ENTREP1: variants seen among roughly 807,000 people sequenced by gnomAD.
The protein encoded by ENTREP1 is endosomal transmembrane epsin interactor 1.
At chr9:69,383,104 A>G in the ENTREP1 span, 5 of 985,180 alleles carry the variant, frequency 5.1e-6, no homozygotes, top group Non-Finnish European at 6.0e-6. Flanking sequence ...GACAAAAACA[A>G]GAGTCATGTA....
At chr9:69,383,237 T>C in the ENTREP1 span, 2 of 693,360 alleles carry the variant, frequency 2.9e-6, no homozygotes, top group Non-Finnish European at 3.6e-6. Flanking sequence ...TTCACATTAT[T>C]TCGTAACCAT....
the ENTREP1 span, chr9:69,377,502 G>A: frequency 1.2e-6 from 2 of 1,608,942 alleles, no homozygotes; most frequent in South Asian, 1.1e-5. Context: ...GGGCATCATG[G>A]CCACGTTTCC....
chr9:69,385,894 C>T, the ENTREP1 span: 2 of 1,612,876 alleles, frequency 1.2e-6, no homozygotes, highest in Non-Finnish European at 1.7e-6. Flanking sequence ...GCCCTCCCAC[C>T]CTTGAGGACC....
chr9:69,385,046 C>T, the ENTREP1 span, among the ~76,000 whole-genome samples: 5 of 152,072 alleles, frequency 3.3e-5, no homozygotes, highest in South Asian at 6.2e-4. Context: ...CCCAGCCTCC[C>T]GAGTAACTGG....
At chr9:69,365,909 A>G in the ENTREP1 span, among the ~76,000 whole-genome samples, 2 of 152,112 alleles carry the variant, frequency 1.3e-5, no homozygotes, top group African/African-American at 2.4e-5. Context: ...TATACCATAT[A>G]TTATTTATTC....
the ENTREP1 span, among the ~76,000 whole-genome samples, chr9:69,365,944 G>A: frequency 1.3e-5 from 2 of 152,058 alleles, no homozygotes; most frequent in Admixed American, 6.6e-5. Flanking sequence ...GGGCATTTAG[G>A]TTGCTTCCAT....
At chr9:69,340,621 G>GCA in the ENTREP1 span, among the ~76,000 whole-genome samples, 9 of 73,284 alleles carry the variant, frequency 1.2e-4, no homozygotes, top group African/African-American at 4.3e-4. Flanking sequence ...GCATGTGTGT[G>GCA]TGCATGTGTG....
At chr9:69,391,609 C>A in the ENTREP1 span, 2 of 1,614,058 alleles carry the variant, frequency 1.2e-6, no homozygotes, top group Non-Finnish European at 1.7e-6. Flanking sequence ...AGATAATGGC[C>A]CCATTGCAGC....
the ENTREP1 span, among the ~76,000 whole-genome samples, chr9:69,338,554 T>C: frequency 6.6e-6 from 1 of 152,246 alleles, no homozygotes; most frequent in African/African-American, 2.4e-5. Flanking sequence ...ATATTTATTA[T>C]GTAAGCTTGA....
At chr9:69,333,158 T>C in the ENTREP1 span, among the ~76,000 whole-genome samples, 1 of 151,952 alleles carries the variant, frequency 6.6e-6, no homozygotes, top group African/African-American at 2.4e-5. Flanking sequence ...TAGAGAAAAA[T>C]ACATATATAT....
the ENTREP1 span, chr9:69,386,452 T>TGA: frequency 0.83 from 126,721 of 152,036 alleles, 52,912 homozygotes; most frequent in South Asian, 0.89. Flanking sequence ...CTCTCTGTGT[T>TGA]GTTTGTGTAT....
At chr9:69,375,931 CT>C in the ENTREP1 span, 1 of 1,531,452 alleles carries the variant, frequency 6.5e-7, no homozygotes, top group Non-Finnish European at 8.9e-7. Context: ...GGCAAACTTA[CT>C]TGAAATATTC....
At chr9:69,366,619 G>A in the ENTREP1 span, among the ~76,000 whole-genome samples, 1 of 151,936 alleles carries the variant, frequency 6.6e-6, no homozygotes, top group African/African-American at 2.4e-5. Context: ...GCCTAGACCA[G>A]TGTTCTAGAG....
chr9:69,329,473 A>G, the ENTREP1 span: 2 of 982,626 alleles, frequency 2.0e-6, no homozygotes, highest in Non-Finnish European at 2.4e-6. Context: ...ATTTTAAAAA[A>G]CACTTAAGAA....
chr9:69,384,016 GT>G, the ENTREP1 span: 1 of 1,605,682 alleles, frequency 6.2e-7, no homozygotes, highest in East Asian at 2.2e-5. Flanking sequence ...CTGCACACAA[GT>G]GACTCAAGGT....
chr9:69,351,119 A>G, the ENTREP1 span, among the ~76,000 whole-genome samples: 1 of 152,190 alleles, frequency 6.6e-6, no homozygotes, highest in Non-Finnish European at 1.5e-5. Context: ...TTCCAATTGA[A>G]CAGAACCTTA....
chr9:69,355,226 A>G, the ENTREP1 span, among the ~76,000 whole-genome samples: 815 of 152,328 alleles, frequency 5.4e-3, 4 homozygotes, highest in Non-Finnish European at 7.2e-3. Context: ...AAGCCCTCCC[A>G]GAAAAGTAAT....
At chr9:69,340,483 A>G in the ENTREP1 span, among the ~76,000 whole-genome samples, 5 of 152,206 alleles carry the variant, frequency 3.3e-5, no homozygotes, top group African/African-American at 9.7e-5. Flanking sequence ...CATGTTTCTT[A>G]TACTAACATA....
chr9:69,363,063 G>A, the ENTREP1 span, among the ~76,000 whole-genome samples: 1 of 152,170 alleles, frequency 6.6e-6, no homozygotes, highest in African/African-American at 2.4e-5. Context: ...GCCTATGAGA[G>A]CACTAGCTCT....
Sources: allele counts gnomAD v4.1 joint callset (sites outside exome capture counted in the v4.1 genomes callset), GRCh38; gene constraint gnomAD v4.1.1; transcripts MANE v1.5; gene names NCBI Gene and HGNC (gene_info 2026-07-23, HGNC 2026-07-21).